Variants in USF3 observed in about 807,000 individuals in gnomAD.
The protein encoded by USF3 is basic helix-loop-helix domain-containing protein USF3.
In USF3, 29 loss-of-function variants were observed where a neutral mutation model predicts 157.5. The ratio of observed to expected loss-of-function variants is 0.18; its 90% confidence interval spans 0.14 to 0.25. The LOEUF (loss-of-function observed/expected upper bound fraction) is 0.25. Among genes scored for constraint, USF3 ranks in the 10% least tolerant of loss-of-function variants. USF3 has a pLI of 1.00. For missense variants in USF3, 2,381 were observed against 2,667.6 expected (o/e 0.89, Z 2.37); for synonymous variants, 893 against 941.4 (o/e 0.95, Z 0.94).
At chr3:113,681,741 A>G (rs940765458) in intron 1 of USF3, among the ~76,000 whole-genome samples, 1 of 149,594 alleles carries the variant, frequency 6.7e-6, no homozygotes, top group African/African-American at 2.5e-5. Context: ...TTTTTTTGAG[A>G]TGGAGTCTCA....
At position 113,655,409 on chromosome 3, in the gene USF3, A is replaced by T. The variant is rs767379427; in HGVS notation, c.6273T>A (p.Ser2091Arg). ...GGATGAGGGCTGGAGTTCGAGTGGCACTAGGCTGAGTAACCTGTGGAATGA... is the reference window on the plus strand; with the variant it reads ...GGATGAGGGCTGGAGTTCGAGTGGCTCTAGGCTGAGTAACCTGTGGAATGA... ...ASFIPQVTQP[S>R]ATRTPALIPV... The change falls in exon 7 of 7, where the codon AGT (serine) becomes AGA (arginine). Residue 2091 changes from serine (S) to arginine (R), a missense_variant. Transcript: ENST00000316407. 3 of 1,614,064 alleles carry T rather than the reference A, an allele frequency of 1.9e-6. No homozygotes were observed. The highest frequency in any genetic ancestry group is 2.5e-6 in the Non-Finnish European group (3 of 1,180,038).
Position 113,656,788 on chromosome 3 carries a change from T to A in USF3, c.4894A>T (p.Thr1632Ser). The A allele has an allele frequency of 6.2e-7, 1 of 1,614,204 alleles. No homozygotes were observed. The highest frequency in any genetic ancestry group is 8.5e-7 in the Non-Finnish European group (1 of 1,180,028). The stretch of plus-strand genomic sequence containing the variant: ...ATTTGCTGCTCTAAGCCTCTTGATG[T>A]CAAAAGCCTCTGCATTGGATTATGG... ...SGHNPMQRLL[T>S]SRGLEQQMVS... Residue 1632 changes from threonine to serine, a missense_variant, in exon 7 of 7, where the codon ACA (threonine) becomes TCA (serine). Coordinates refer to ENST00000316407, the MANE Select transcript of USF3 (RefSeq NM_001009899.4).
Position 113,654,635 on chromosome 3 carries a change from A to T in USF3, c.*309T>A, listed in dbSNP as rs1947320463. The T allele has an allele frequency of 3.2e-6, 1 of 316,854 alleles. No individual in the cohort carries two copies. The highest frequency in any genetic ancestry group is 5.8e-6 in the Non-Finnish European group (1 of 173,478). The allele number at this position is 316,854 out of a possible 1,614,324, so 19.6% of individuals were successfully genotyped here. A position where few individuals can be genotyped will look rare whatever the true frequency, so the allele number is the denominator to read the frequency against. On this transcript the variant is annotated 3_prime_UTR_variant, in exon 7 of 7. Coordinates refer to ENST00000316407, the MANE Select transcript of USF3 (RefSeq NM_001009899.4). The stretch of plus-strand genomic sequence containing the variant: ...TTTAAAGTCTAGGCTCCCTCCTACT[A>T]CCCAGTACATGACAAGATGATCTCC...
At chr3:113,661,814 A>G (rs1176637736) in intron 6 of USF3, among the ~76,000 whole-genome samples, 1 of 152,144 alleles carries the variant, frequency 6.6e-6, no homozygotes, top group Non-Finnish European at 1.5e-5. Context: ...AGCAGCCAAC[A>G]TTACCTGTGA....
rs1707168234 is a variant in USF3 at position 113,672,127 on chromosome 3, ATC to A, written c.76+1219_76+1220del. Among the ~76,000 whole-genome samples the A allele has an allele frequency of 2.1e-5, 3 of 145,888 alleles. No homozygotes were observed. The South Asian group carries it at 6.4e-4, about 31-fold the overall frequency. On this transcript the variant is annotated intron_variant, in intron 4 of 6. Transcript: ENST00000316407. ...TTTCTTAGTAAGTTATGGTAAACAC[ATC>A]TCTTTCTTTTTTTTTTTCTTTTTTT...
chr3:113,651,162 C>T lies in USF3; in HGVS notation c.*3782G>A, dbSNP rs190228726. ...GAAAGGAATCAACCACTTTTTATAA[C>T]GGACTCTGTGATCAATAATGCTAAA... On this transcript the variant is annotated 3_prime_UTR_variant, in exon 7 of 7. Transcript: ENST00000316407. 1 of 152,268 alleles carries T rather than the reference C, an allele frequency of 6.6e-6. No homozygotes were observed. Among genetic ancestry groups the T allele is most frequent in the Middle Eastern group, 3.4e-3 (1 of 294 alleles). The allele number at this position is 152,268 out of a possible 1,614,324, so 9.4% of individuals were successfully genotyped here.
rs1359649385 is a variant in USF3 at position 113,648,676 on chromosome 3, CAGG to C, written c.*6265_*6267del. 2 of 152,362 alleles carry C rather than the reference CAGG, an allele frequency of 1.3e-5. No homozygotes were observed. The highest frequency in any genetic ancestry group is 4.8e-5 in the African/African-American group (2 of 41,334). 9.4% of individuals were successfully genotyped at this position (152,362 alleles called of 1,614,324 possible). A position where few individuals can be genotyped will look rare whatever the true frequency, so the allele number is the denominator to read the frequency against. On this transcript the variant is annotated 3_prime_UTR_variant, in exon 7 of 7. Coordinates refer to ENST00000316407, the MANE Select transcript of USF3 (RefSeq NM_001009899.4). ...ATTAGTTTCCATAAGAATTATAAAC[CAGG>C]AGATTTACAGTAATAGGACACAGTG...
At chr3:113,676,774 T>C (rs898949227) in intron 2 of USF3, among the ~76,000 whole-genome samples, 8 of 152,102 alleles carry the variant, frequency 5.3e-5, no homozygotes, top group Admixed American at 1.3e-4. Context: ...TCAGAAAGCA[T>C]GAGTTTAAAA....
rs949177270 is a variant in USF3 at position 113,653,616 on chromosome 3, A to C, written c.*1328T>G. On this transcript the variant is annotated 3_prime_UTR_variant, in exon 7 of 7. Coordinates refer to ENST00000316407, the MANE Select transcript of USF3 (RefSeq NM_001009899.4). Reference sequence around the variant, plus strand: ...AGACTCCATCTATTAAAAAAAAAAAAAAAAAAAAAACCCTACCTATATCAA... The same window carrying C: ...AGACTCCATCTATTAAAAAAAAAAACAAAAAAAAAACCCTACCTATATCAA... 6 of 151,794 alleles carry C rather than the reference A, an allele frequency of 4.0e-5. No homozygotes were observed. Among genetic ancestry groups the C allele is most frequent in the African/African-American group, 7.3e-5 (3 of 41,302 alleles). The allele number at this position is 151,794 out of a possible 1,614,324, so 9.4% of individuals were successfully genotyped here.
At position 113,655,911 on chromosome 3, in the gene USF3, C is replaced by T; in HGVS notation, c.5771G>A (p.Arg1924Lys). 3 of 1,614,156 alleles carry T rather than the reference C, an allele frequency of 1.9e-6. No homozygotes were observed. Among genetic ancestry groups the T allele is most frequent in the Non-Finnish European group, 2.5e-6 (3 of 1,180,026 alleles). Residue 1924 changes from arginine to lysine, a missense_variant, in exon 7 of 7, where the codon AGG (arginine) becomes AAG (lysine). Arg to Lys is a conservative substitution (Grantham distance 26). Coordinates refer to ENST00000316407, the MANE Select transcript of USF3 (RefSeq NM_001009899.4). Reference protein sequence around the residue: ...NVSVQKSNPMRITESHATKGH... With the variant: ...NVSVQKSNPMKITESHATKGH... ...CTTGGTGGCATGACTCTCAGTAATC[C>T]TCATGGGATTGGATTTCTGTACAGA...
chr3:113,691,795 A>G (rs1707690670), intron 1 of USF3, among the ~76,000 whole-genome samples: 1 of 152,186 alleles, frequency 6.6e-6, no homozygotes, highest in African/African-American at 2.4e-5. Context: ...GGTCCCTCAA[A>G]TGACACAGAG....
At position 113,654,913 on chromosome 3, in the gene USF3, CTCAT is replaced by C; in HGVS notation, c.*27_*30del. On this transcript the variant is annotated 3_prime_UTR_variant, in exon 7 of 7. Coordinates refer to ENST00000316407, the MANE Select transcript of USF3 (RefSeq NM_001009899.4). ...ACGCACAAATACATTTGTAATCTCACTCATTACCTTTACATTTTGTTTATCAGTA... is the reference window on the plus strand; with the variant it reads ...ACGCACAAATACATTTGTAATCTCACTACCTTTACATTTTGTTTATCAGTA... 1 of 1,582,304 alleles carries C rather than the reference CTCAT, an allele frequency of 6.3e-7. No individual in the cohort carries two copies. Among genetic ancestry groups the C allele is most frequent in the South Asian group, 1.2e-5 (1 of 85,424 alleles).
Position 113,656,198 on chromosome 3 carries a change from G to C in USF3, c.5484C>G (p.Leu1828=). 1 of 1,614,144 alleles carries C rather than the reference G, an allele frequency of 6.2e-7. No individual in the cohort carries two copies. The highest frequency in any genetic ancestry group is 8.5e-7 in the Non-Finnish European group (1 of 1,180,014). The stretch of plus-strand genomic sequence containing the variant: ...TCTGGCTCCCAATGACCTGATCACT[G>C]AGGTGAGGGGCAAGTAAGCTCTGCA... The part of the protein sequence containing the change: ...SFMQSLLAPH[L]SDQVIGSQRS... The change falls in exon 7 of 7, where the codon CTC becomes CTG. Residue 1828 remains leucine, a synonymous_variant. Coordinates refer to ENST00000316407, the MANE Select transcript of USF3 (RefSeq NM_001009899.4).
chr3:113,657,339 T>C lies in USF3; in HGVS notation c.4343A>G (p.Gln1448Arg), dbSNP rs755899215. The C allele has an allele frequency of 6.2e-7, 1 of 1,613,774 alleles. No individual in the cohort carries two copies. The highest frequency in any genetic ancestry group is 8.5e-7 in the Non-Finnish European group (1 of 1,179,810). Residue 1448 changes from glutamine (Q) to arginine (R), a missense_variant, in exon 7 of 7, where the codon CAA (glutamine) becomes CGA (arginine). This residue lies in a region of USF3 where 1,435 missense variants were observed against 1,550.9 expected (regional missense o/e 0.93). Coordinates refer to ENST00000316407, the MANE Select transcript of USF3 (RefSeq NM_001009899.4). ...LQALQQHVPAQGVSHLHSNHL... is the reference protein window; with the variant it reads ...LQALQQHVPARGVSHLHSNHL... ...GTTACTATGAAGGTGAGATACACCTTGAGCTGGAACATGCTGCTGCAGGGC... is the reference window on the plus strand; with the variant it reads ...GTTACTATGAAGGTGAGATACACCTCGAGCTGGAACATGCTGCTGCAGGGC...
At chr3:113,696,015 A>G (rs1707789688) in intron 1 of USF3, among the ~76,000 whole-genome samples, 1 of 152,238 alleles carries the variant, frequency 6.6e-6, no homozygotes, top group Non-Finnish European at 1.5e-5. Flanking sequence ...GGCAAAGGCC[A>G]TCTGGTGTGA....
rs981021694 is a variant in USF3 at position 113,656,097 on chromosome 3, T to A, written c.5585A>T (p.His1862Leu). The A allele has an allele frequency of 1.4e-5, 22 of 1,613,954 alleles. No homozygotes were observed. Among genetic ancestry groups the A allele is most frequent in the Non-Finnish European group, 1.7e-5 (20 of 1,179,906 alleles). ...SAIEYNCPPTHENVHIRRESE... is the reference protein window; with the variant it reads ...SAIEYNCPPTLENVHIRRESE... ...CTCTCTTCTAATATGGACATTTTCA[T>A]GAGTTGGGGGACAATTATATTCAAT... The change falls in exon 7 of 7, where the codon CAT becomes CTT. Residue 1862 changes from histidine to leucine, a missense_variant. By Grantham distance (99) the His-to-Leu change is moderately conservative (BLOSUM62 -3). Coordinates refer to ENST00000316407, the MANE Select transcript of USF3 (RefSeq NM_001009899.4).
chr3:113,693,100 C>T (rs553911120), intron 1 of USF3, among the ~76,000 whole-genome samples: 1 of 152,292 alleles, frequency 6.6e-6, no homozygotes, highest in Non-Finnish European at 1.5e-5. Context: ...AATCAACTTA[C>T]GTTCAAGATG....
rs1402413727 is a variant in USF3 at position 113,659,220 on chromosome 3, C to T, written c.2462G>A (p.Ser821Asn). 1 of 1,614,046 alleles carries T rather than the reference C, an allele frequency of 6.2e-7. No homozygotes were observed. The highest frequency in any genetic ancestry group is 1.3e-5 in the African/African-American group (1 of 74,912). Residue 821 changes from serine (S) to asparagine (N), a missense_variant, in exon 7 of 7, where the codon AGC becomes AAC. By Grantham distance (46) the Ser-to-Asn change is conservative. This residue lies in a region of USF3 where 1,435 missense variants were observed against 1,550.9 expected (regional missense o/e 0.93). Transcript: ENST00000316407. ...TTCAGTGTTGGGGCAGTCTAACTTG[C>T]TCACATCTCTGACTGAATTCAGGGG... ...ACPLNSVRDV[S>N]KLDCPNTEGS...
At chr3:113,669,671 G>A (rs569986775) in intron 5 of USF3, among the ~76,000 whole-genome samples, 1 of 151,840 alleles carries the variant, frequency 6.6e-6, no homozygotes, top group South Asian at 2.1e-4. Flanking sequence ...GAACAAAAAG[G>A]TATCTTCATT....
Sources: gnomAD v4.1 joint callset for allele counts (sites outside exome capture counted in the v4.1 genomes callset) on GRCh38, gnomAD v4.1.1 for gene constraint, gnomAD v4.1.1 regional missense constraint, MANE v1.5 for transcripts, NCBI Gene and HGNC (gene_info 2026-07-23, HGNC 2026-07-21) for gene names.